SPOCK1: variants seen among roughly 807,000 people sequenced by gnomAD.
SPOCK1 encodes testican-1.
A neutral mutation model predicts 55.3 loss-of-function variants in SPOCK1; 23 were observed. The observed-to-expected ratio is 0.42, with a 90% CI of 0.30 to 0.59. The LOEUF (loss-of-function observed/expected upper bound fraction) is 0.59, where lower values mean the gene tolerates loss of function less well. Among genes scored for constraint, SPOCK1 ranks in the 20% least tolerant of loss-of-function variants. SPOCK1 has a pLI of 0.22. For missense variants in SPOCK1, 499 were observed against 552.5 expected (o/e 0.90, Z 0.97); for synonymous variants, 226 against 221.0 (o/e 1.02, Z -0.20).
chr5:137,242,297 C>A (rs540219559), intron 3 of SPOCK1, among the ~76,000 whole-genome samples: 2 of 152,262 alleles, frequency 1.3e-5, no homozygotes, highest in African/African-American at 4.8e-5. Flanking sequence ...GTAATTGAAT[C>A]ATGAGGGTGG....
chr5:137,259,884 A>G (rs1166127763), intron 3 of SPOCK1, among the ~76,000 whole-genome samples: 3 of 152,050 alleles, frequency 2.0e-5, no homozygotes, highest in Non-Finnish European at 4.4e-5. Context: ...AGCCCTCTCC[A>G]CCCTCGATAG....
intron 3 of SPOCK1, among the ~76,000 whole-genome samples, chr5:137,174,043 C>T (rs77277699): frequency 0.017 from 2,525 of 152,334 alleles, 31 homozygotes; most frequent in South Asian, 0.035. Flanking sequence ...AAGAAATTCA[C>T]AAGCATCTGT....
At chr5:137,030,275 T>C (rs1480867736) in intron 6 of SPOCK1, among the ~76,000 whole-genome samples, 1 of 152,264 alleles carries the variant, frequency 6.6e-6, no homozygotes, top group African/African-American at 2.4e-5. Context: ...TTATGATTCA[T>C]TTAGCATTTA....
At chr5:137,397,231 G>C (rs1217579596) in intron 2 of SPOCK1, among the ~76,000 whole-genome samples, 2 of 152,160 alleles carry the variant, frequency 1.3e-5, no homozygotes, top group African/African-American at 4.8e-5. Flanking sequence ...AACAGCAATG[G>C]CATCCCACCT....
chr5:137,245,771 CAAAACAAAAAAA>C (rs1756381355), intron 3 of SPOCK1, among the ~76,000 whole-genome samples: 2 of 47,296 alleles, frequency 4.2e-5, no homozygotes, highest in African/African-American at 2.2e-4. Flanking sequence ...CAAAACAAAA[CAAAACAAAAAAA>C]AAACAAAAAA....
intron 6 of SPOCK1, among the ~76,000 whole-genome samples, chr5:137,043,252 C>A (rs1752036217): frequency 2.6e-5 from 4 of 152,210 alleles, no homozygotes; most frequent in Non-Finnish European, 4.4e-5. Flanking sequence ...TGGATTATAA[C>A]CTCAAGCACA....
At chr5:137,246,855 G>A (rs1316075377) in intron 3 of SPOCK1, among the ~76,000 whole-genome samples, 1 of 152,206 alleles carries the variant, frequency 6.6e-6, no homozygotes, top group Admixed American at 6.5e-5. Context: ...CAGCTGCAAT[G>A]AGTCACATGC....
chr5:137,075,022 A>G (rs1294602475), intron 5 of SPOCK1, among the ~76,000 whole-genome samples: 1 of 151,978 alleles, frequency 6.6e-6, no homozygotes, highest in Non-Finnish European at 1.5e-5. Flanking sequence ...TATTTTTAGT[A>G]CAGACCGGGT....
At chr5:137,022,590 A>T (rs576022683) in intron 6 of SPOCK1, among the ~76,000 whole-genome samples, 1 of 152,310 alleles carries the variant, frequency 6.6e-6, no homozygotes, top group South Asian at 2.1e-4. Flanking sequence ...GACGCCCAGG[A>T]TGTACAATGA....
At chr5:137,370,241 T>C (rs538138308) in intron 2 of SPOCK1, among the ~76,000 whole-genome samples, 2 of 152,198 alleles carry the variant, frequency 1.3e-5, no homozygotes, top group African/African-American at 2.4e-5. Context: ...TCCAGGGGTA[T>C]GAAAGGAAAC....
Position 137,360,645 on chromosome 5 carries a change from C to T in SPOCK1, c.187-93590G>A, listed in dbSNP as rs139612100. Among the ~76,000 whole-genome samples the T allele has an allele frequency of 5.1e-3, 775 of 152,314 alleles. 8 individuals carry two copies. Among genetic ancestry groups the T allele is most frequent in the African/African-American group, 0.018 (732 of 41,566 alleles). On this transcript the variant is annotated intron_variant, in intron 2 of 10. Coordinates refer to ENST00000394945, the MANE Select transcript of SPOCK1 (RefSeq NM_004598.4). ...TAGGAAGATAGTCTTGATAATAATA[C>T]AGCACAGTGATATTTGGGGTTCCAC...
intron 2 of SPOCK1, among the ~76,000 whole-genome samples, chr5:137,385,559 G>A (rs1019800860): frequency 1.3e-5 from 2 of 152,152 alleles, no homozygotes; most frequent in African/African-American, 4.8e-5. Flanking sequence ...TTAAATAAAT[G>A]TCTAATAACT....
chr5:137,060,244 T>C (rs1357757706), intron 6 of SPOCK1, among the ~76,000 whole-genome samples: 1 of 152,236 alleles, frequency 6.6e-6, no homozygotes, highest in Non-Finnish European at 1.5e-5. Context: ...GTGGTACACA[T>C]GTACCATAGA....
Position 137,488,245 on chromosome 5 carries a change from C to T in SPOCK1, c.186+10128G>A, listed in dbSNP as rs1159330256. Reference sequence around the variant, plus strand: ...TACAAAAATTAGCTGGGCGTGGTGGCGCATGACTGTAGTCCCAGCTACTCG... The same window carrying T: ...TACAAAAATTAGCTGGGCGTGGTGGTGCATGACTGTAGTCCCAGCTACTCG... On this transcript the variant is annotated intron_variant, in intron 2 of 10. Transcript: ENST00000394945. Among the ~76,000 whole-genome samples, 10 of 152,074 alleles carry T rather than the reference C, an allele frequency of 6.6e-5. No individual in the cohort carries two copies. The East Asian group carries it at 1.5e-3, about 24-fold the overall frequency.
At chr5:137,094,852 A>G (rs1456744853) in intron 5 of SPOCK1, among the ~76,000 whole-genome samples, 1 of 152,254 alleles carries the variant, frequency 6.6e-6, no homozygotes, top group African/African-American at 2.4e-5. Context: ...GCTTGGCACA[A>G]GAGGCCTGGC....
intron 2 of SPOCK1, among the ~76,000 whole-genome samples, chr5:137,293,579 C>T (rs1175068584): frequency 5.5e-5 from 2 of 36,600 alleles, no homozygotes. Flanking sequence ...TCCCACCTTG[C>T]CCCTCCCCAG....
chr5:137,498,406 G>A lies in SPOCK1; in HGVS notation c.153C>T (p.Tyr51=), dbSNP rs1486997177. 1.2e-6 allele frequency: 2 copies of A among 1,606,484 alleles called. No individual in the cohort carries two copies. The highest frequency in any genetic ancestry group is 2.2e-5 in the South Asian group (2 of 89,980). Residue 51 remains tyrosine (Y), a synonymous_variant, in exon 2 of 11, where the codon TAC becomes TAT. Coordinates refer to ENST00000394945, the MANE Select transcript of SPOCK1 (RefSeq NM_004598.4). Reference sequence around the variant, plus strand: ...AGCGGTTCCAGTACTTGTCCCGGTCGTACTGGGAGACGGTGCTCAGCCACT... The same window carrying A: ...AGCGGTTCCAGTACTTGTCCCGGTCATACTGGGAGACGGTGCTCAGCCACT... ...NDQWLSTVSQ[Y]DRDKYWNRFR...
At chr5:137,039,270 CTTTTTTTTTTTTTTTT>C (rs11479277) in intron 6 of SPOCK1, among the ~76,000 whole-genome samples, 1 of 88,900 alleles carries the variant, frequency 1.1e-5, no homozygotes, top group Non-Finnish European at 2.2e-5. Context: ...GCCTGCCACA[CTTTTTTTTTTTTTTTT>C]TTTTTTTTTT....
chr5:137,178,440 G>T (rs946228699), intron 3 of SPOCK1, among the ~76,000 whole-genome samples: 1 of 152,326 alleles, frequency 6.6e-6, no homozygotes, highest in East Asian at 1.9e-4. Flanking sequence ...CCGGGCATGC[G>T]ATTGCAATCC....
Sources: allele counts gnomAD v4.1 joint callset (sites outside exome capture counted in the v4.1 genomes callset), GRCh38; gene constraint gnomAD v4.1.1; transcripts MANE v1.5; gene names NCBI Gene and HGNC (gene_info 2026-07-23, HGNC 2026-07-21).